The following LTBP1 variants were observed in gnomAD, a reference collection of about 807,000 sequenced individuals.
The protein encoded by LTBP1 is latent transforming growth factor beta binding protein 1.
Under a neutral mutation model 207.6 loss-of-function variants are expected in LTBP1, and 129 were observed. The ratio of observed to expected loss-of-function variants is 0.62; its 90% CI spans 0.54 to 0.72. The LOEUF (loss-of-function observed/expected upper bound fraction) is 0.72, where lower values mean the gene tolerates loss of function less well. LTBP1 is among the 30% of genes least tolerant of loss of function. The probability of loss-of-function intolerance (pLI) is 0.00; values close to 1 mark genes in which losing one functional copy is unlikely to be tolerated. For missense variants in LTBP1, 2,281 were observed against 2,217.2 expected (o/e 1.03, Z -0.58); for synonymous variants, 963 against 833.7 (o/e 1.16, Z -2.67).
intron 9 of LTBP1, among the ~76,000 whole-genome samples, chr2:33,239,367 C>T (rs1320856647): frequency 6.6e-6 from 1 of 152,144 alleles, no homozygotes; most frequent in Non-Finnish European, 1.5e-5. Context: ...TATGTGGGTG[C>T]TGAGCCCCTT....
chr2:32,980,464 T>C (rs1167301988), intron 2 of LTBP1, among the ~76,000 whole-genome samples: 1 of 152,148 alleles, frequency 6.6e-6, no homozygotes, highest in East Asian at 1.9e-4. Flanking sequence ...ACTTTAACTT[T>C]CAAGCAAGTA....
chr2:33,067,811 G>A (rs2077595331), intron 3 of LTBP1, among the ~76,000 whole-genome samples: 1 of 152,104 alleles, frequency 6.6e-6, no homozygotes, highest in Admixed American at 6.5e-5. Context: ...TGGATACCAG[G>A]GGACAGCTGT....
chr2:33,194,921 A>G (rs930724993), intron 7 of LTBP1, among the ~76,000 whole-genome samples: 13 of 152,324 alleles, frequency 8.5e-5, no homozygotes, highest in African/African-American at 2.4e-4. Context: ...TGAAAATTCT[A>G]TGGCCCTTAA....
Position 33,222,096 on chromosome 2 carries a change from C to T in LTBP1, c.1821C>T (p.Asn607=). Residue 607 remains asparagine, a synonymous_variant, in exon 9 of 34, where the codon AAC becomes AAT. Transcript: ENST00000404816. ...CPKKPSYHGY[N]QMMECLPGYK... ...CCCTTACAGCTTATCATGGATACAACCAAATGATGGAATGCCTACCGGGTT... is the reference window on the plus strand; with the variant it reads ...CCCTTACAGCTTATCATGGATACAATCAAATGATGGAATGCCTACCGGGTT... 1 of 1,612,512 alleles carries T rather than the reference C, an allele frequency of 6.2e-7. No homozygotes were observed. The highest frequency in any genetic ancestry group is 1.1e-5 in the South Asian group (1 of 91,048).
intron 27 of LTBP1, among the ~76,000 whole-genome samples, chr2:33,361,080 G>A (rs927465526): frequency 6.6e-6 from 1 of 152,114 alleles, no homozygotes; most frequent in African/African-American, 2.4e-5. Context: ...AGCATTATTC[G>A]TAACTAAAGC....
chr2:33,306,051 C>T lies in LTBP1; in HGVS notation c.3482-3383C>T, dbSNP rs145471978. Among the ~76,000 whole-genome samples, 522 of 152,146 alleles carry T rather than the reference C, an allele frequency of 3.4e-3. 3 individuals carry two copies. The highest frequency in any genetic ancestry group is 0.012 in the African/African-American group (500 of 41,484). On this transcript the variant is annotated intron_variant, in intron 22 of 33. Transcript: ENST00000404816. The stretch of plus-strand genomic sequence containing the variant: ...TTTCGCACTACCCCAGGTGGTGGTA[C>T]GAAATAGTACCATGTTGTGCTCTCG...
chr2:33,168,660 A>G (rs2085147818), intron 5 of LTBP1, among the ~76,000 whole-genome samples: 1 of 151,786 alleles, frequency 6.6e-6, no homozygotes, highest in Non-Finnish European at 1.5e-5. Context: ...GTCACAGTCC[A>G]CCTGGCCTTT....
chr2:33,326,844 A>C (rs1217837444), intron 24 of LTBP1, among the ~76,000 whole-genome samples: 2 of 151,900 alleles, frequency 1.3e-5, no homozygotes, highest in East Asian at 3.9e-4. Flanking sequence ...TTTTCTTAGT[A>C]GGGAAGGGTT....
At chr2:33,385,748 G>A (rs1350629112) in intron 31 of LTBP1, among the ~76,000 whole-genome samples, 4 of 152,190 alleles carry the variant, frequency 2.6e-5, no homozygotes, top group South Asian at 2.1e-4. Context: ...GAAGGGCGGC[G>A]TGGATGGATT....
chr2:33,373,519 A>C (rs1026850410), intron 31 of LTBP1, among the ~76,000 whole-genome samples: 2 of 152,202 alleles, frequency 1.3e-5, no homozygotes, highest in Admixed American at 6.5e-5. Context: ...TATGTATCCA[A>C]CTTCCTTTGA....
intron 2 of LTBP1, among the ~76,000 whole-genome samples, chr2:32,991,236 G>A (rs747474308): frequency 1.2e-4 from 18 of 152,176 alleles, no homozygotes; most frequent in Non-Finnish European, 2.5e-4. Flanking sequence ...AACTACAGAG[G>A]ATTCAAGCCA....
At chr2:33,379,196 CTTTTTTTT>C (rs550839552) in intron 31 of LTBP1, among the ~76,000 whole-genome samples, 7 of 108,526 alleles carry the variant, frequency 6.5e-5, no homozygotes, top group South Asian at 3.2e-4. Context: ...TTTGCCATTG[CTTTTTTTT>C]TTTTTTTTTT....
At chr2:33,254,679 A>G (rs62148878) in intron 11 of LTBP1, among the ~76,000 whole-genome samples, 1 of 140,874 alleles carries the variant, frequency 7.1e-6, no homozygotes. Context: ...CATGTGCCAT[A>G]TTGGTGTGCT....
chr2:33,174,579 G>C (rs2085815418), intron 5 of LTBP1, among the ~76,000 whole-genome samples: 1 of 152,006 alleles, frequency 6.6e-6, no homozygotes, highest in Non-Finnish European at 1.5e-5. Context: ...TGGCCATACT[G>C]CCCAAGGTAA....
Position 33,356,551 on chromosome 2 carries a change from C to T in LTBP1, c.4001-4046C>T, listed in dbSNP as rs1021317543. Among the ~76,000 whole-genome samples, 8 of 152,168 alleles carry T rather than the reference C, an allele frequency of 5.3e-5. No homozygotes were observed. The East Asian group carries it at 9.7e-4, about 18-fold the overall frequency. ...AAAATTCGCCGGGCATGGTGGCAGG[C>T]GCCTGTAGTCCCAGCTATTCAGGAG... On this transcript the variant is annotated intron_variant, in intron 26 of 33. Coordinates refer to ENST00000404816, the MANE Select transcript of LTBP1 (RefSeq NM_206943.4).
At chr2:33,039,942 T>C (rs986131692) in intron 3 of LTBP1, among the ~76,000 whole-genome samples, 1 of 151,882 alleles carries the variant, frequency 6.6e-6, no homozygotes, top group Non-Finnish European at 1.5e-5. Flanking sequence ...TGCACCAAAA[T>C]GAGGAAGGAG....
chr2:33,060,163 A>C (rs1191881436), intron 3 of LTBP1, among the ~76,000 whole-genome samples: 1 of 139,460 alleles, frequency 7.2e-6, no homozygotes, highest in Non-Finnish European at 1.6e-5. Context: ...CAAGTGCTAA[A>C]ACCAGGGATT....
intron 26 of LTBP1, among the ~76,000 whole-genome samples, chr2:33,357,305 T>C (rs13424720): frequency 0.19 from 29,380 of 152,056 alleles, 3,180 homozygotes; most frequent in African/African-American, 0.28. Flanking sequence ...GGGGACATGA[T>C]TGCACTATTT....
chr2:33,070,701 C>T (rs1302808318), intron 3 of LTBP1, among the ~76,000 whole-genome samples: 5 of 152,180 alleles, frequency 3.3e-5, no homozygotes, highest in African/African-American at 1.2e-4. Flanking sequence ...TTCTTTCCTT[C>T]TAATTTGTAG....
Sources: gnomAD v4.1 joint callset for allele counts (sites outside exome capture counted in the v4.1 genomes callset) on GRCh38, gnomAD v4.1.1 for gene constraint, MANE v1.5 for transcripts, NCBI Gene and HGNC (gene_info 2026-07-23, HGNC 2026-07-21) for gene names.